TSHR: variants seen among roughly 807,000 people sequenced by gnomAD.
TSHR encodes thyrotropin receptor.
TSHR carries 51 observed loss-of-function variants against 64.1 expected under a neutral mutation model. The observed-to-expected ratio is 0.80, with a 90% CI of 0.64 to 1.01. The LOEUF is 1.01. Among genes scored for constraint, TSHR ranks in the 50% least tolerant of loss-of-function variants. TSHR has a pLI of 0.00. For synonymous variants in TSHR, 361 were observed against 361.9 expected, an observed-to-expected ratio of 1.00 and a Z score of 0.03; for missense variants, 877 against 942.8, an observed-to-expected ratio of 0.93 and a Z score of 0.91.
chr14:81,004,475 A>G (rs536263363), intron 1 of TSHR, among the ~76,000 whole-genome samples: 2 of 152,340 alleles, frequency 1.3e-5, no homozygotes, highest in South Asian at 2.1e-4. Context: ...TTAATGCTCC[A>G]TGTATTTTCA....
Position 81,090,536 on chromosome 14 carries a change from C to T in TSHR, c.393-533C>T, listed in dbSNP as rs79130876. Reference sequence around the variant, plus strand: ...GATTATAGGCGTGAGCCCCTGTGCCCGGCTCTCTGGACATATTTTTTTAAA... The same window carrying T: ...GATTATAGGCGTGAGCCCCTGTGCCTGGCTCTCTGGACATATTTTTTTAAA... On this transcript the variant is annotated intron_variant, in intron 4 of 9. Transcript: ENST00000298171. Among the ~76,000 whole-genome samples, 517 of 149,384 alleles carry T rather than the reference C, an allele frequency of 3.5e-3. 3 individuals are homozygous for T. Among genetic ancestry groups the T allele is most frequent in the African/African-American group, 0.012 (474 of 40,080 alleles).
At chr14:81,046,947 T>C (rs534413168) in intron 1 of TSHR, among the ~76,000 whole-genome samples, 3 of 152,316 alleles carry the variant, frequency 2.0e-5, no homozygotes, top group African/African-American at 2.4e-5. Context: ...TGTCTACATA[T>C]AATGGTATAT....
intron 3 of TSHR, among the ~76,000 whole-genome samples, chr14:81,071,669 G>C (rs1475841449): frequency 6.6e-6 from 1 of 152,146 alleles, no homozygotes; most frequent in Non-Finnish European, 1.5e-5. Flanking sequence ...GCTGAGGTGA[G>C]AGGATTAATT....
chr14:80,976,044 T>C (rs1467611752), intron 1 of TSHR, among the ~76,000 whole-genome samples: 1 of 152,050 alleles, frequency 6.6e-6, no homozygotes, highest in Non-Finnish European at 1.5e-5. Flanking sequence ...CCCGAGTAGC[T>C]GGGACTACAG....
chr14:81,021,386 A>C (rs545310419), intron 1 of TSHR, among the ~76,000 whole-genome samples: 1 of 152,188 alleles, frequency 6.6e-6, no homozygotes, highest in East Asian at 1.9e-4. Flanking sequence ...TAGATGTTTT[A>C]CCTGCTTGTC....
At chr14:81,057,567 T>G (rs1250751518) in intron 1 of TSHR, among the ~76,000 whole-genome samples, 1 of 152,224 alleles carries the variant, frequency 6.6e-6, no homozygotes, top group Non-Finnish European at 1.5e-5. Flanking sequence ...CAATTCCCTC[T>G]TTTTCTACTA....
At chr14:81,047,749 C>A (rs901660866) in intron 1 of TSHR, among the ~76,000 whole-genome samples, 1 of 150,180 alleles carries the variant, frequency 6.7e-6, no homozygotes, top group Non-Finnish European at 1.5e-5. Flanking sequence ...GCAAGCTCTG[C>A]CATTCTCCTG....
intron 8 of TSHR, among the ~76,000 whole-genome samples, chr14:81,110,615 C>G (rs1890184439): frequency 6.6e-6 from 1 of 152,128 alleles, no homozygotes; most frequent in South Asian, 2.1e-4. Context: ...GTTTAAAATC[C>G]ATGTGTATAA....
chr14:81,012,198 T>G (rs1380856878), intron 1 of TSHR: 2 of 151,652 alleles, frequency 1.3e-5, no homozygotes, highest in Non-Finnish European at 2.9e-5. Context: ...GTGTTTGGTT[T>G]TTTGTTCTTG....
intron 7 of TSHR, among the ~76,000 whole-genome samples, chr14:81,099,061 C>T (rs907830741): frequency 7.2e-5 from 11 of 152,126 alleles, no homozygotes; most frequent in Admixed American, 2.0e-4. Flanking sequence ...TAATTCTCAA[C>T]ATTAGGGAGT....
chr14:80,994,095 C>T (rs1043213491), intron 1 of TSHR: 10 of 152,154 alleles, frequency 6.6e-5, no homozygotes, highest in East Asian at 3.8e-4. Flanking sequence ...GGATGGGGAC[C>T]TTTATGATGA....
chr14:80,985,163 T>C (rs1594919205), intron 1 of TSHR, among the ~76,000 whole-genome samples: 1 of 152,176 alleles, frequency 6.6e-6, no homozygotes, highest in Middle Eastern at 3.2e-3. Flanking sequence ...GGCAGGAGAA[T>C]GGCGTGAACC....
chr14:81,090,551 A>G (rs762389395), intron 4 of TSHR, among the ~76,000 whole-genome samples: 64 of 133,004 alleles, frequency 4.8e-4, no homozygotes, highest in Non-Finnish European at 8.9e-4. Context: ...CTCTGGACAT[A>G]TTTTTTTAAA....
In TSHR at chr14:80,983,703, G is replaced by A. The variant is rs1244823849; in HGVS notation, c.170+27853G>A. 1.2e-5 allele frequency: 6 copies of A among 516,558 alleles called. No individual in the cohort carries two copies. The East Asian group carries it at 1.8e-4, about 16-fold the overall frequency. The allele number at this position is 516,558 out of a possible 1,614,324, so 32.0% of individuals were successfully genotyped here. Reference sequence around the variant, plus strand: ...CTCTAGCAGGCTGTACATTCCCAAAGAGCCTTGTATCATATTTGGTTATTA... The same window carrying A: ...CTCTAGCAGGCTGTACATTCCCAAAAAGCCTTGTATCATATTTGGTTATTA... On this transcript the variant is annotated intron_variant, in intron 1 of 9. Transcript: ENST00000298171.
At position 81,144,334 on chromosome 14, in the gene TSHR, A is replaced by G. The variant is rs1019577156; in HGVS notation, c.2276A>G (p.Tyr759Cys). The change falls in exon 10 of 10, where the codon TAT becomes TGT. Residue 759 changes from tyrosine to cysteine, a missense_variant. By Grantham distance (194) the Tyr-to-Cys change is radical. Transcript: ENST00000298171. ...AAGCAAGGCCAAATCTCAGAAGAGT[A>G]TATGCAAACGGTTTTGTAAGTTAAC... The part of the protein sequence containing the change: ...PKKQGQISEE[Y>C]MQTVL The G allele has an allele frequency of 1.9e-6, 3 of 1,614,224 alleles. No individual in the cohort carries two copies. Among genetic ancestry groups the G allele is most frequent in the South Asian group, 2.2e-5 (2 of 91,082 alleles).
At chr14:81,137,805 G>A (rs183222346) in intron 8 of TSHR, among the ~76,000 whole-genome samples, 1 of 152,320 alleles carries the variant, frequency 6.6e-6, no homozygotes, top group African/African-American at 2.4e-5. Context: ...CACATTACTT[G>A]GATGAACTCT....
intron 3 of TSHR, among the ~76,000 whole-genome samples, chr14:81,080,427 T>A (rs1887819608): frequency 6.6e-6 from 1 of 152,150 alleles, no homozygotes; most frequent in Non-Finnish European, 1.5e-5. Context: ...CCTTAAATAA[T>A]CATGAAAGTA....
At chr14:80,986,103 C>T (rs1888433549) in intron 1 of TSHR, among the ~76,000 whole-genome samples, 2 of 152,120 alleles carry the variant, frequency 1.3e-5, no homozygotes, top group South Asian at 4.2e-4. Context: ...TGGGGAGTTC[C>T]TGGATTTCTA....
chr14:80,967,085 C>T (rs1432022137), intron 1 of TSHR, among the ~76,000 whole-genome samples: 2 of 151,478 alleles, frequency 1.3e-5, no homozygotes, highest in Non-Finnish European at 2.9e-5. Flanking sequence ...CAGAAGCCCT[C>T]ACTGAGAAAA....
Sources: allele counts gnomAD v4.1 joint callset (sites outside exome capture counted in the v4.1 genomes callset), GRCh38; gene constraint gnomAD v4.1.1; transcripts MANE v1.5; gene names NCBI Gene and HGNC (gene_info 2026-07-23, HGNC 2026-07-21).